Variants in CDC14A observed in about 807,000 individuals in gnomAD.
The protein encoded by CDC14A is cell division cycle 14A.
In CDC14A, 53 loss-of-function variants were observed where a neutral mutation model predicts 74.4. That is an observed-to-expected ratio of 0.71 (90% CI 0.57 to 0.89). CDC14A has a LOEUF of 0.89. Ranked by LOEUF, CDC14A falls within the 40% of genes least tolerant of loss-of-function variation. The pLI is 0.00. For missense variants in CDC14A, 646 were observed against 713.7 expected (o/e 0.91, Z 1.08); for synonymous variants, 247 against 258.4 (o/e 0.96, Z 0.43).
intron 7 of CDC14A, among the ~76,000 whole-genome samples, chr1:100,451,339 G>A (rs1219094130): frequency 6.6e-6 from 1 of 152,162 alleles, no homozygotes; most frequent in East Asian, 1.9e-4. Flanking sequence ...TGCTGTAGCT[G>A]ATGCTAGCAG....
At chr1:100,415,362 C>G (rs1661402089) in intron 4 of CDC14A, among the ~76,000 whole-genome samples, 1 of 152,140 alleles carries the variant, frequency 6.6e-6, no homozygotes, top group South Asian at 2.1e-4. Context: ...TCAGAGCAAA[C>G]AGCACCTCAA....
intron 2 of CDC14A, among the ~76,000 whole-genome samples, chr1:100,360,737 C>G (rs936629981): frequency 6.6e-6 from 1 of 152,096 alleles, no homozygotes; most frequent in Admixed American, 6.6e-5. Context: ...CTTAGGCATT[C>G]GGTGTAGAGT....
chr1:100,393,666 G>A (rs2100994703), intron 4 of CDC14A: 1 of 535,268 alleles, frequency 1.9e-6, no homozygotes, highest in East Asian at 4.0e-5. Context: ...TGGATCAAGT[G>A]GTCAATATCA....
intron 2 of CDC14A, among the ~76,000 whole-genome samples, chr1:100,371,795 A>C (rs558904325): frequency 4.6e-5 from 7 of 152,344 alleles, no homozygotes; most frequent in African/African-American, 1.7e-4. Flanking sequence ...TAAAACTTCA[A>C]ATTCTACCAG....
At chr1:100,457,626 G>GT (rs869054325) in intron 8 of CDC14A, among the ~76,000 whole-genome samples, 408 of 140,696 alleles carry the variant, frequency 2.9e-3, no homozygotes, top group East Asian at 0.016. Flanking sequence ...CACCTGGCTG[G>GT]TTTTTTTTTT....
At chr1:100,350,015 G>A (rs1392903861), upstream of CDC14A, among the ~76,000 whole-genome samples, 4 of 150,488 alleles carry the variant, frequency 2.7e-5, no homozygotes, top group East Asian at 5.9e-4. Context: ...ACAATGATGC[G>A]ATCTTGGCTC....
At chr1:100,491,340 ATG>A (rs1359671108) in intron 11 of CDC14A, among the ~76,000 whole-genome samples, 1 of 1,724 alleles carries the variant, frequency 5.8e-4, no homozygotes, top group Non-Finnish European at 0.038. Flanking sequence ...CTGGAAGACT[ATG>A]TGCCAGAATG....
At chr1:100,463,241 T>G (rs1167595138) in intron 9 of CDC14A, among the ~76,000 whole-genome samples, 1 of 152,172 alleles carries the variant, frequency 6.6e-6, no homozygotes, top group Non-Finnish European at 1.5e-5. Context: ...TCTCCTTTGT[T>G]TTTTTTCAGA....
chr1:100,480,032 A>G (rs920978549), intron 10 of CDC14A, among the ~76,000 whole-genome samples: 1 of 152,176 alleles, frequency 6.6e-6, no homozygotes, highest in African/African-American at 2.4e-5. Context: ...CCATTATTAT[A>G]TGTATAATTC....
At chr1:100,355,917 A>AG (rs907078941) in intron 2 of CDC14A, among the ~76,000 whole-genome samples, 32 of 152,252 alleles carry the variant, frequency 2.1e-4, no homozygotes, top group Non-Finnish European at 3.8e-4. Context: ...ACAGGCAGGT[A>AG]GGGGCACATC....
At chr1:100,471,138 ATAT>A (rs1668355755) in intron 10 of CDC14A, among the ~76,000 whole-genome samples, 1 of 152,146 alleles carries the variant, frequency 6.6e-6, no homozygotes, top group South Asian at 2.1e-4. Context: ...GATGAATATC[ATAT>A]TATTGTAAGA....
At chr1:100,381,277 C>T (rs1656057393) in intron 3 of CDC14A, among the ~76,000 whole-genome samples, 1 of 152,180 alleles carries the variant, frequency 6.6e-6, no homozygotes, top group East Asian at 1.9e-4. Flanking sequence ...CCTTTGTTAT[C>T]TAACTTTTGC....
intron 15 of CDC14A, among the ~76,000 whole-genome samples, chr1:100,502,512 C>G (rs1394762956): frequency 3.9e-5 from 6 of 152,172 alleles, no homozygotes; most frequent in Non-Finnish European, 8.8e-5. Context: ...TAAGTGCACT[C>G]TATCGTGCAC....
chr1:100,390,632 G>A, intron 3 of CDC14A, 100 bp from the exon 4 acceptor site: 1 of 736,056 alleles, frequency 1.4e-6, no homozygotes, highest in Non-Finnish European at 2.3e-6. Context: ...AATTTTATGG[G>A]TTGTAGCACA....
intron 10 of CDC14A, among the ~76,000 whole-genome samples, chr1:100,474,850 G>A (rs575623013): frequency 6.6e-6 from 1 of 151,600 alleles, no homozygotes; most frequent in South Asian, 2.1e-4. Flanking sequence ...CTGCTTCCTT[G>A]TAGTTTTCAG....
intron 11 of CDC14A, among the ~76,000 whole-genome samples, chr1:100,487,381 A>C (rs114578807): frequency 0.015 from 2,246 of 152,154 alleles, 56 homozygotes; most frequent in African/African-American, 0.051. Context: ...CAGCATAACG[A>C]AACCCCATCT....
In CDC14A at chr1:100,364,917, A is replaced by G. The variant is rs553281067; in HGVS notation, c.140+11065A>G. ...TTTGGCTTTAAGGCAAAGTGAAAGC[A>G]CTCACTTATTTTACAGAAACAGCAG... On this transcript the variant is annotated intron_variant, in intron 2 of 15. Transcript: ENST00000336454. 2.6e-5 allele frequency among the ~76,000 whole-genome samples: 4 copies of G among 152,326 alleles called. No individual in the cohort carries two copies. In the South Asian group the frequency reaches 6.2e-4, roughly 24 times the overall value.
intron 7 of CDC14A, among the ~76,000 whole-genome samples, chr1:100,446,319 T>G (rs1294516540): frequency 6.6e-6 from 1 of 152,160 alleles, no homozygotes; most frequent in Non-Finnish European, 1.5e-5. Flanking sequence ...TGTATCTCTA[T>G]GTGAGATTAA....
intron 3 of CDC14A, among the ~76,000 whole-genome samples, chr1:100,381,765 G>A (rs900752050): frequency 1.3e-5 from 2 of 152,076 alleles, no homozygotes; most frequent in African/African-American, 4.8e-5. Flanking sequence ...AACATAAAAT[G>A]CATCATCACC....
Sources: allele counts gnomAD v4.1 joint callset (sites outside exome capture counted in the v4.1 genomes callset), GRCh38; gene constraint gnomAD v4.1.1; transcripts MANE v1.5; gene names NCBI Gene and HGNC (gene_info 2026-07-23, HGNC 2026-07-21).